The following VEPH1 variants were observed in gnomAD, a reference collection of about 807,000 sequenced individuals.
VEPH1 encodes the protein ventricular zone-expressed PH domain-containing protein homolog 1.
VEPH1 carries 80 observed loss-of-function variants against 85.2 expected under a neutral mutation model. That is an observed-to-expected ratio of 0.94 (90% confidence interval 0.78 to 1.13). The LOEUF is 1.13. Among genes scored for constraint, VEPH1 ranks in the 50% most tolerant of loss-of-function variants. The probability of loss-of-function intolerance (pLI) is 0.00; values close to 1 mark genes in which losing one functional copy is unlikely to be tolerated. For synonymous variants in VEPH1, 297 were observed against 348.0 expected (o/e 0.85, Z 1.63); for missense variants, 955 against 980.5 (o/e 0.97, Z 0.35).
intron 2 of VEPH1, among the ~76,000 whole-genome samples, chr3:157,477,252 C>T (rs1482706287): frequency 1.3e-5 from 2 of 151,356 alleles, no homozygotes; most frequent in East Asian, 1.9e-4. Context: ...GGCTCATGGT[C>T]CCTTCCTCCA....
chr3:157,295,816 G>A (rs2108429442), intron 11 of VEPH1, among the ~76,000 whole-genome samples: 1 of 152,120 alleles, frequency 6.6e-6, no homozygotes, highest in South Asian at 2.1e-4. Flanking sequence ...TTAGCTGGAT[G>A]TGATGGCACA....
intron 9 of VEPH1, among the ~76,000 whole-genome samples, chr3:157,358,490 C>G (rs1725685769): frequency 6.6e-6 from 1 of 152,056 alleles, no homozygotes; most frequent in South Asian, 2.1e-4. Context: ...TATCCTAATC[C>G]CATGATTAAA....
Position 157,261,318 on chromosome 3 carries a change from T to C in VEPH1, c.2318A>G (p.Lys773Arg), listed in dbSNP as rs1712861119. 4 of 1,613,728 alleles carry C rather than the reference T, an allele frequency of 2.5e-6. No individual in the cohort carries two copies. Among genetic ancestry groups the C allele is most frequent in the Non-Finnish European group, 3.4e-6 (4 of 1,179,750 alleles). The change falls in exon 14 of 14, where the codon AAG (lysine) becomes AGG (arginine). Residue 773 changes from lysine to arginine, a missense_variant. Lys to Arg is a conservative substitution (Grantham distance 26). Transcript: ENST00000362010. ...GTCCCTGCGTTTCTTGGCCACAGCC[T>C]TCACACTCTGTACTTTGCTGAGTTC... ...PIELSKVQSV[K>R]AVAKKRRDRS...
At chr3:157,416,793 TAAAG>T (rs1453489688) in intron 5 of VEPH1, among the ~76,000 whole-genome samples, 1 of 117,464 alleles carries the variant, frequency 8.5e-6, no homozygotes, top group Non-Finnish European at 1.9e-5. Flanking sequence ...GGAAGAGAAA[TAAAG>T]AAAGAGAGAA....
chr3:157,365,049 A>G (rs1726480754), intron 7 of VEPH1, among the ~76,000 whole-genome samples: 1 of 152,240 alleles, frequency 6.6e-6, no homozygotes, highest in African/African-American at 2.4e-5. Flanking sequence ...ATATTAATAT[A>G]GACCCAAATA....
Position 157,293,391 on chromosome 3 carries a change from C to G in VEPH1, c.2011-6717G>C, listed in dbSNP as rs889629054. ...GCCAATGTGGCAAACTCCTCACTATCACTACATATCACTAAATAAACTTAT... is the reference window on the plus strand; with the variant it reads ...GCCAATGTGGCAAACTCCTCACTATGACTACATATCACTAAATAAACTTAT... On this transcript the variant is annotated intron_variant, in intron 11 of 13. Transcript: ENST00000362010. Among the ~76,000 whole-genome samples, 5 of 152,198 alleles carry G rather than the reference C, an allele frequency of 3.3e-5. No individual in the cohort carries two copies. The East Asian group carries it at 9.6e-4, about 29-fold the overall frequency.
chr3:157,410,506 C>A (rs1731454260), intron 6 of VEPH1, among the ~76,000 whole-genome samples: 1 of 152,050 alleles, frequency 6.6e-6, no homozygotes, highest in Non-Finnish European at 1.5e-5. Context: ...GCACATCTTG[C>A]CTATTGTCTT....
At chr3:157,475,155 A>ATTTT (rs557209438) in intron 2 of VEPH1, among the ~76,000 whole-genome samples, 1 of 127,588 alleles carries the variant, frequency 7.8e-6, no homozygotes, top group African/African-American at 3.0e-5. Flanking sequence ...AATTTTTTTA[A>ATTTT]TTTTTTTTTT....
chr3:157,329,744 C>G (rs770737944), intron 9 of VEPH1, among the ~76,000 whole-genome samples: 4 of 151,968 alleles, frequency 2.6e-5, no homozygotes, highest in Non-Finnish European at 5.9e-5. Flanking sequence ...AACCTTCTAG[C>G]AGTAAATTGG....
chr3:157,313,590 C>T, intron 11 of VEPH1, 31 bp downstream of exon 11: 3 of 1,609,416 alleles, frequency 1.9e-6, no homozygotes, highest in Non-Finnish European at 2.5e-6. Context: ...AAATCTTGGC[C>T]TGTAACATGG....
At position 157,475,612 on chromosome 3, in the gene VEPH1, T is replaced by C. The variant is rs117389702; in HGVS notation, c.139-5083A>G. On this transcript the variant is annotated intron_variant, in intron 2 of 13. Transcript: ENST00000362010. The stretch of plus-strand genomic sequence containing the variant: ...CGGACCCCTGTGTCATCAACCACTA[T>C]AGAAATAACATCTTACACTCAGGTG... Among the ~76,000 whole-genome samples, 1,155 of 152,290 alleles carry C rather than the reference T, an allele frequency of 7.6e-3. 24 individuals carry two copies. Among genetic ancestry groups the C allele is most frequent in the East Asian group, 0.068 (350 of 5,174 alleles).
intron 7 of VEPH1, among the ~76,000 whole-genome samples, chr3:157,368,191 A>G (rs1577464188): frequency 6.6e-6 from 1 of 152,282 alleles, no homozygotes; most frequent in East Asian, 1.9e-4. Context: ...GTTAGATTTT[A>G]TTACTGTCAG....
intron 6 of VEPH1, among the ~76,000 whole-genome samples, chr3:157,410,998 A>T (rs1731488992): frequency 6.6e-6 from 1 of 152,168 alleles, no homozygotes; most frequent in Admixed American, 6.6e-5. Context: ...TTGCAGCTAC[A>T]CGTGGTCATA....
chr3:157,263,323 C>T (rs949215672), intron 13 of VEPH1, among the ~76,000 whole-genome samples: 1 of 152,214 alleles, frequency 6.6e-6, no homozygotes, highest in Admixed American at 6.5e-5. Flanking sequence ...TCCTGATAAA[C>T]ATGTCAAACA....
At chr3:157,313,495 T>A in intron 11 of VEPH1, 126 bp downstream of exon 11, 2 of 1,152,898 alleles carry the variant, frequency 1.7e-6, no homozygotes, top group Non-Finnish European at 2.4e-6. Flanking sequence ...TACAAGTGTT[T>A]TATGATAATA....
chr3:157,442,928 G>T (rs1734254424), intron 4 of VEPH1: 1 of 1,614,046 alleles, frequency 6.2e-7, no homozygotes, highest in African/African-American at 1.3e-5. Flanking sequence ...ATATTGTTGG[G>T]TGGGGAGTCA....
chr3:157,349,488 A>T (rs1001931166), intron 9 of VEPH1, among the ~76,000 whole-genome samples: 9 of 152,008 alleles, frequency 5.9e-5, no homozygotes, highest in Admixed American at 3.9e-4. Context: ...TAGGATGCCT[A>T]CTCTCCCCAA....
intron 11 of VEPH1, among the ~76,000 whole-genome samples, chr3:157,292,858 CT>C (rs1345208963): frequency 6.7e-6 from 1 of 148,994 alleles, no homozygotes; most frequent in African/African-American, 2.5e-5. Context: ...TGGCAAGTGC[CT>C]GTAATGCCAG....
intron 4 of VEPH1, among the ~76,000 whole-genome samples, chr3:157,439,595 C>T (rs1387915534): frequency 1.3e-5 from 2 of 152,180 alleles, no homozygotes; most frequent in East Asian, 3.8e-4. Flanking sequence ...CATGCGGTTC[C>T]AGTCCATGAA....
Sources: gnomAD v4.1 joint callset for allele counts (sites outside exome capture counted in the v4.1 genomes callset) on GRCh38, gnomAD v4.1.1 for gene constraint, MANE v1.5 for transcripts, NCBI Gene and HGNC (gene_info 2026-07-23, HGNC 2026-07-21) for gene names.